The following NAALAD2 variants were observed in gnomAD, a reference collection of about 807,000 sequenced individuals.
The protein encoded by NAALAD2 is N-acetylated-alpha-linked acidic dipeptidase 2.
A neutral mutation model predicts 95.6 loss-of-function variants in NAALAD2; 89 were observed. That is an observed-to-expected ratio of 0.93 (90% confidence interval 0.78 to 1.11). NAALAD2 has a LOEUF of 1.11. Among genes scored for constraint, NAALAD2 ranks in the 50% least tolerant of loss-of-function variants. NAALAD2 has a pLI of 0.00. For missense variants in NAALAD2, 894 were observed against 872.4 expected, an observed-to-expected ratio of 1.02 and a Z score of -0.31; for synonymous variants, 264 against 294.4, an observed-to-expected ratio of 0.90 and a Z score of 1.06.
intron 3 of NAALAD2, among the ~76,000 whole-genome samples, chr11:90,148,792 G>A (rs1455204119): frequency 6.6e-6 from 1 of 152,134 alleles, no homozygotes; most frequent in Non-Finnish European, 1.5e-5. Context: ...GAAACTTTTG[G>A]TTACCTGGGA....
intron 11 of NAALAD2, 129 bp from the exon 12 acceptor site, chr11:90,168,800 G>A: frequency 1.4e-6 from 1 of 700,534 alleles, no homozygotes; most frequent in South Asian, 1.8e-5. Flanking sequence ...TAGGGTCACA[G>A]ATGGACCTAG....
At chr11:90,155,495 TATTATATATA>T (rs1467269636) in intron 6 of NAALAD2, among the ~76,000 whole-genome samples, 32 of 112,552 alleles carry the variant, frequency 2.8e-4, no homozygotes, top group East Asian at 1.4e-3. Context: ...ATATATAATA[TATTATATATA>T]ATTATATATA....
chr11:90,143,870 C>A (rs1466851822), intron 2 of NAALAD2, among the ~76,000 whole-genome samples: 1 of 152,156 alleles, frequency 6.6e-6, no homozygotes, highest in Non-Finnish European at 1.5e-5. Context: ...TGAGTAGTAT[C>A]TCTATTTTCT....
intron 6 of NAALAD2, among the ~76,000 whole-genome samples, chr11:90,155,861 A>G (rs1337830367): frequency 7.1e-6 from 1 of 141,676 alleles, no homozygotes; most frequent in Non-Finnish European, 1.5e-5. Context: ...ATATTATATT[A>G]TATATAATAT....
At chr11:90,132,766 T>C (rs1158257356), upstream of NAALAD2, among the ~76,000 whole-genome samples, 1 of 152,142 alleles carries the variant, frequency 6.6e-6, no homozygotes, top group East Asian at 1.9e-4. Context: ...TCCCTATATT[T>C]GGTGTTGTGT....
chr11:90,139,520 T>C (rs926954129), intron 2 of NAALAD2, among the ~76,000 whole-genome samples: 1 of 152,178 alleles, frequency 6.6e-6, no homozygotes, highest in Non-Finnish European at 1.5e-5. Flanking sequence ...TTTCTTAATG[T>C]CATCTGAAGA....
At chr11:90,145,678 T>A (rs1951734435) in intron 2 of NAALAD2, among the ~76,000 whole-genome samples, 1 of 152,106 alleles carries the variant, frequency 6.6e-6, no homozygotes, top group Non-Finnish European at 1.5e-5. Flanking sequence ...TTATGGATGA[T>A]TAATAGTTTG....
intron 18 of NAALAD2, among the ~76,000 whole-genome samples, chr11:90,184,243 T>C (rs1204743128): frequency 2.0e-5 from 3 of 152,138 alleles, no homozygotes; most frequent in African/African-American, 7.2e-5. Context: ...TTTAGATAAT[T>C]ACAAGCATAC....
chr11:90,158,260 T>C (rs375768076), intron 7 of NAALAD2, 22 bp downstream of exon 7: 29 of 1,552,448 alleles, frequency 1.9e-5, no homozygotes, highest in Non-Finnish European at 2.4e-5. Flanking sequence ...TTGTTGGATA[T>C]GAGATTAAGA....
At chr11:90,147,246 A>C in intron 2 of NAALAD2, 84 bp from the exon 3 acceptor site, 1 of 1,060,958 alleles carries the variant, frequency 9.4e-7, no homozygotes, top group Non-Finnish European at 1.4e-6. Flanking sequence ...TGCCCAATGC[A>C]TAAGTAGTGC....
In NAALAD2 at chr11:90,165,925, CAT is replaced by C. The variant is rs1231175010; in HGVS notation, c.1278+2309_1278+2310del. ...AAAACGCTTTGCATTAATTTATAAA[CAT>C]GTGCATTAAAAGGCAATTTCAATAC... is the stretch of plus-strand genomic sequence containing the variant. On this transcript the variant is annotated intron_variant, in intron 11 of 18. Coordinates refer to ENST00000534061, the MANE Select transcript of NAALAD2 (RefSeq NM_005467.4). Among the ~76,000 whole-genome samples the C allele has an allele frequency of 7.2e-5, 11 of 152,232 alleles. No homozygotes were observed. The East Asian group carries it at 1.5e-3, about 21-fold the overall frequency.
intron 9 of NAALAD2, 84 bp downstream of exon 9, chr11:90,163,118 T>G: frequency 9.2e-6 from 11 of 1,198,642 alleles, no homozygotes; most frequent in Non-Finnish European, 1.3e-5. Flanking sequence ...ACAATTGAAG[T>G]GGGGTTTTTT....
rs763929585 is a variant in NAALAD2, at chr11:90,175,926, T to TTGTGTGTGTG, written c.1503-45_1503-44insGTGTGTGTGT. ...ATTTAACTTTGTATCATTTACTTGT[T>TTGTGTGTGTG]TATGTGTGTGTGTGTGTGTGTGTGT... On this transcript the variant is annotated intron_variant, in intron 14 of 18. Transcript: ENST00000534061. 29 of 621,452 alleles carry TTGTGTGTGTG rather than the reference T, an allele frequency of 4.7e-5. No homozygotes were observed. In the African/African-American group the frequency reaches 7.2e-4, roughly 15 times the overall value. 38.5% of individuals were successfully genotyped at this position (621,452 alleles called of 1,614,324 possible). A position where few individuals can be genotyped will look rare whatever the true frequency, so the allele number is the denominator to read the frequency against.
At chr11:90,156,491 T>C (rs1027131979) in intron 6 of NAALAD2, among the ~76,000 whole-genome samples, 1 of 152,194 alleles carries the variant, frequency 6.6e-6, no homozygotes, top group Admixed American at 6.5e-5. Context: ...AAACTTAACT[T>C]TTTTTCTACG....
rs768112511 is a variant in NAALAD2 at position 90,149,006 on chromosome 11, A to AT, written c.386dup (p.Lys130GlnfsTer6). Reference sequence around the variant, plus strand: ...CTTGACATATTTTAATTCTTGCTAGATTTTCAAAACATCATACCTTGAACC... The same window carrying AT: ...CTTGACATATTTTAATTCTTGCTAGATTTTTCAAAACATCATACCTTGAACC... On this transcript the variant is annotated frameshift_variant and splice_region_variant, in exon 4 of 19. Transcript: ENST00000534061. LOFTEE classifies it high-confidence loss of function. The AT allele has an allele frequency of 1.0e-5, 16 of 1,570,244 alleles. No homozygotes were observed. Among genetic ancestry groups the AT allele is most frequent in the Non-Finnish European group, 1.4e-5 (16 of 1,154,524 alleles).
chr11:90,191,201 C>T (rs1256343491), intron 18 of NAALAD2, among the ~76,000 whole-genome samples: 2 of 152,204 alleles, frequency 1.3e-5, no homozygotes, highest in East Asian at 1.9e-4. Flanking sequence ...AATAAATTAT[C>T]TTTCTCAATC....
chr11:90,132,958 T>C (rs184521148), upstream of NAALAD2, among the ~76,000 whole-genome samples: 408 of 152,306 alleles, frequency 2.7e-3, 1 homozygote, highest in Non-Finnish European at 4.5e-3. Context: ...CAACAGTTCA[T>C]TAAGGAGGTT....
chr11:90,177,971 G>A lies in NAALAD2; in HGVS notation c.1712G>A (p.Gly571Glu). Residue 571 changes from glycine (G) to glutamate (E), a missense_variant, in exon 16 of 19, where the codon GGA (glycine) becomes GAA (glutamate). Coordinates refer to ENST00000534061, the MANE Select transcript of NAALAD2 (RefSeq NM_005467.4). Reference protein sequence around the residue: ...KKQLSVAQLRGALVYELVDSK... With the variant: ...KKQLSVAQLREALVYELVDSK... ...CAACTTTCTGTGGCTCAATTACGAG[G>A]AGCACTGGTATATGAGCTTGTGGAT... is the stretch of plus-strand genomic sequence containing the variant. 1.2e-6 allele frequency: 2 copies of A among 1,613,772 alleles called. No homozygotes were observed. Among genetic ancestry groups the A allele is most frequent in the Non-Finnish European group, 1.7e-6 (2 of 1,179,934 alleles).
chr11:90,145,734 C>T (rs1165574789), intron 2 of NAALAD2, among the ~76,000 whole-genome samples: 1 of 152,016 alleles, frequency 6.6e-6, no homozygotes, highest in East Asian at 1.9e-4. Flanking sequence ...GAGGGAGATT[C>T]AGGTAGATGG....
Sources: gnomAD v4.1 joint callset for allele counts (sites outside exome capture counted in the v4.1 genomes callset) on GRCh38, gnomAD v4.1.1 for gene constraint, MANE v1.5 for transcripts, NCBI Gene and HGNC (gene_info 2026-07-23, HGNC 2026-07-21) for gene names.